The following PDE4B variants were observed in gnomAD, a reference collection of about 807,000 sequenced individuals.
PDE4B encodes the protein phosphodiesterase 4B.
In PDE4B, 20 loss-of-function variants were observed where a neutral mutation model predicts 82.2. The observed-to-expected ratio is 0.24, with a 90% CI of 0.17 to 0.35. PDE4B has a LOEUF of 0.35. PDE4B is among the 10% of genes least tolerant of loss of function. The pLI is 1.00. For missense variants in PDE4B, 655 were observed against 907.2 expected (o/e 0.72, Z 3.57); for synonymous variants, 320 against 318.9 (o/e 1.00, Z -0.04).
chr1:66,074,758 T>C (rs1570156714), intron 3 of PDE4B, among the ~76,000 whole-genome samples: 3 of 152,294 alleles, frequency 2.0e-5, no homozygotes, highest in East Asian at 3.9e-4. Context: ...GTTTGTCTTC[T>C]TCCACTCAGC....
intron 3 of PDE4B, among the ~76,000 whole-genome samples, chr1:65,941,175 A>G (rs1265514683): frequency 6.6e-6 from 1 of 152,056 alleles, no homozygotes; most frequent in Non-Finnish European, 1.5e-5. Flanking sequence ...ATGAAGCCTC[A>G]GGTTCTGTCA....
chr1:65,817,084 C>A (rs984982248), intron 1 of PDE4B, among the ~76,000 whole-genome samples: 1 of 152,066 alleles, frequency 6.6e-6, no homozygotes, highest in Non-Finnish European at 1.5e-5. Flanking sequence ...CCTCATGATG[C>A]CTGCCTGCCA....
chr1:66,129,168 T>C (rs1645883347), intron 3 of PDE4B, among the ~76,000 whole-genome samples: 2 of 152,220 alleles, frequency 1.3e-5, no homozygotes, highest in Non-Finnish European at 2.9e-5. Context: ...TCTTGTAGCT[T>C]GGACCTAACA....
chr1:65,870,809 A>C (rs1646564520), intron 1 of PDE4B, among the ~76,000 whole-genome samples: 1 of 152,188 alleles, frequency 6.6e-6, no homozygotes, highest in Non-Finnish European at 1.5e-5. Context: ...AGCAGGATAG[A>C]GTATCAGAGA....
chr1:66,173,181 A>G (rs1044512987), intron 3 of PDE4B, among the ~76,000 whole-genome samples: 3 of 152,244 alleles, frequency 2.0e-5, no homozygotes, highest in Non-Finnish European at 2.9e-5. Flanking sequence ...CAGGCATAAT[A>G]TAGCATAGCA....
chr1:65,979,575 A>C (rs1650580701), intron 3 of PDE4B, among the ~76,000 whole-genome samples: 1 of 152,220 alleles, frequency 6.6e-6, no homozygotes, highest in African/African-American at 2.4e-5. Context: ...GCAAGGCTTA[A>C]TCTTGCCTGT....
At chr1:65,975,132 A>T (rs55706383) in intron 3 of PDE4B, among the ~76,000 whole-genome samples, 25,671 of 152,246 alleles carry the variant, frequency 0.17, 2,826 homozygotes, top group Non-Finnish European at 0.24. Flanking sequence ...GATATGGACA[A>T]TGAAGTCTAG....
intron 3 of PDE4B, among the ~76,000 whole-genome samples, chr1:66,086,728 C>T (rs546603491): frequency 2.8e-4 from 43 of 152,254 alleles, no homozygotes; most frequent in African/African-American, 9.9e-4. Flanking sequence ...ATTTCATTCT[C>T]CAGCTCATCT....
At chr1:66,342,857 A>G (rs1202050577) in intron 8 of PDE4B, among the ~76,000 whole-genome samples, 1 of 152,244 alleles carries the variant, frequency 6.6e-6, no homozygotes, top group African/African-American at 2.4e-5. Flanking sequence ...CAGCCTGGCC[A>G]ACACGGAGAA....
At chr1:66,003,786 T>C (rs1374386656) in intron 3 of PDE4B, among the ~76,000 whole-genome samples, 26 of 152,142 alleles carry the variant, frequency 1.7e-4, no homozygotes. Context: ...GGGATCTAAG[T>C]CTTTCTTGCT....
intron 1 of PDE4B, among the ~76,000 whole-genome samples, chr1:65,897,533 G>C (rs1490440964): frequency 6.6e-6 from 1 of 151,898 alleles, no homozygotes; most frequent in African/African-American, 2.4e-5. Flanking sequence ...GTATTCCCCA[G>C]TGTGTATTTT....
chr1:65,923,959 T>A (rs1449485109), intron 3 of PDE4B, among the ~76,000 whole-genome samples: 1 of 152,032 alleles, frequency 6.6e-6, no homozygotes, highest in Non-Finnish European at 1.5e-5. Context: ...TCTGATTAAA[T>A]GTATTTTATA....
chr1:65,995,285 A>G (rs1312580898), intron 3 of PDE4B, among the ~76,000 whole-genome samples: 4 of 151,954 alleles, frequency 2.6e-5, no homozygotes, highest in East Asian at 3.9e-4. Context: ...ATTTATTTCT[A>G]TTGTTTTATC....
chr1:65,914,479 T>C (rs1158541725), intron 2 of PDE4B, among the ~76,000 whole-genome samples: 5 of 151,760 alleles, frequency 3.3e-5, no homozygotes, highest in Non-Finnish European at 7.4e-5. Context: ...TCTTTTTTTT[T>C]TTTCTTTCTT....
At chr1:66,362,359 T>C (rs928636491) in intron 10 of PDE4B, among the ~76,000 whole-genome samples, 2 of 152,134 alleles carry the variant, frequency 1.3e-5, no homozygotes, top group Non-Finnish European at 2.9e-5. Context: ...ATAGAAAGAA[T>C]TCATACATCC....
intron 7 of PDE4B, among the ~76,000 whole-genome samples, chr1:66,305,233 CA>C (rs1487636231): frequency 6.6e-6 from 1 of 152,050 alleles, no homozygotes; most frequent in Non-Finnish European, 1.5e-5. Flanking sequence ...AGCTTAAAAT[CA>C]AAATGCAAAA....
Position 66,201,597 on chromosome 1 carries a change from T to C in PDE4B, c.282-45863T>C, listed in dbSNP as rs539379664. 4.1e-4 allele frequency among the ~76,000 whole-genome samples: 61 copies of C among 150,422 alleles called. 1 individual carries two copies. In the South Asian group the frequency reaches 0.013, roughly 31 times the overall value. ...GGGAGGGCGTATGTGTCGAGTAATT[T>C]ATCCATTTCTTCTAGATTTTCTAGT... On this transcript the variant is annotated intron_variant, in intron 3 of 16. Coordinates refer to ENST00000341517, the MANE Select transcript of PDE4B (RefSeq NM_002600.4).
At chr1:66,298,463 T>C (rs1296147573) in intron 7 of PDE4B, among the ~76,000 whole-genome samples, 1 of 152,180 alleles carries the variant, frequency 6.6e-6, no homozygotes, top group East Asian at 1.9e-4. Context: ...CATGGGTCTT[T>C]TACATCTTTA....
rs903906324 is a variant in PDE4B, at chr1:66,373,526, C to T, written c.*848C>T. On this transcript the variant is annotated 3_prime_UTR_variant, in exon 17 of 17. Transcript: ENST00000341517. ...CTGCCCCCCACAGGAGTTGTACAGT[C>T]CCTGGCCCTGTTCCCTACCTCCTCT... 8 of 152,696 alleles carry T rather than the reference C, an allele frequency of 5.2e-5. No individual in the cohort carries two copies. Among genetic ancestry groups the T allele is most frequent in the Non-Finnish European group, 5.9e-5 (4 of 68,110 alleles). The allele number at this position is 152,696 out of a possible 1,614,324, so 9.5% of individuals were successfully genotyped here.
Sources: gnomAD v4.1 joint callset for allele counts (sites outside exome capture counted in the v4.1 genomes callset) on GRCh38, gnomAD v4.1.1 for gene constraint, MANE v1.5 for transcripts, NCBI Gene and HGNC (gene_info 2026-07-23, HGNC 2026-07-21) for gene names.